Variants in ERC2 observed in about 807,000 individuals in gnomAD.
ERC2 encodes ERC protein 2.
In ERC2, 42 loss-of-function variants were observed where a neutral mutation model predicts 114.8. That is an observed-to-expected ratio of 0.37 (90% CI 0.29 to 0.47). The LOEUF (loss-of-function observed/expected upper bound fraction) is 0.47. Among genes scored for constraint, ERC2 ranks in the 20% least tolerant of loss-of-function variants. The pLI is 0.99. For synonymous variants in ERC2, 454 were observed against 425.5 expected (o/e 1.07, Z -0.82); for missense variants, 939 against 1,150.7 (o/e 0.82, Z 2.66).
At chr3:55,914,591 A>G (rs1374520440) in intron 13 of ERC2, among the ~76,000 whole-genome samples, 1 of 152,148 alleles carries the variant, frequency 6.6e-6, no homozygotes, top group Non-Finnish European at 1.5e-5. Context: ...CTCTCCTTAG[A>G]TGCAAGGTCT....
chr3:56,370,546 ATTTGTTTG>A (rs751109162), intron 2 of ERC2, among the ~76,000 whole-genome samples: 1 of 131,084 alleles, frequency 7.6e-6, no homozygotes, highest in Non-Finnish European at 1.6e-5. Flanking sequence ...TGTGTTCCTG[ATTTGTTTG>A]TTTGTTTGTT....
chr3:55,927,563 T>A (rs1366332783), intron 13 of ERC2, among the ~76,000 whole-genome samples: 2 of 152,200 alleles, frequency 1.3e-5, no homozygotes, highest in Non-Finnish European at 2.9e-5. Flanking sequence ...GAGGTATCTA[T>A]CACCTCAAGC....
rs185515035 is a variant in ERC2 at position 56,218,321 on chromosome 3, T to G, written c.1075-44801A>C. Among the ~76,000 whole-genome samples the G allele has an allele frequency of 5.0e-3, 760 of 152,138 alleles. 31 individuals are homozygous for G. The East Asian group carries it at 0.12, about 23-fold the overall frequency. ...AAAAACAAACAACCCCATCAACAAG[T>G]GGGTGAAGGACATGAACAGACACTT... is the stretch of plus-strand genomic sequence containing the variant. On this transcript the variant is annotated intron_variant, in intron 3 of 17. Transcript: ENST00000288221.
intron 3 of ERC2, among the ~76,000 whole-genome samples, chr3:56,278,118 C>T (rs1459401586): frequency 3.9e-5 from 6 of 152,286 alleles, no homozygotes; most frequent in East Asian, 1.9e-4. Context: ...CCTGCCCCAC[C>T]GTGGGTGACT....
At chr3:56,087,892 T>C (rs561037766) in intron 6 of ERC2, among the ~76,000 whole-genome samples, 1 of 152,200 alleles carries the variant, frequency 6.6e-6, no homozygotes, top group African/African-American at 2.4e-5. Context: ...GTACGCATAA[T>C]GTACACAGTC....
intron 14 of ERC2, among the ~76,000 whole-genome samples, chr3:55,782,589 T>C (rs1458934002): frequency 3.3e-5 from 5 of 152,192 alleles, no homozygotes; most frequent in Non-Finnish European, 7.3e-5. Context: ...CCAAGAAGTA[T>C]TTTAAGTGCT....
At chr3:55,578,381 C>T (rs997865447) in intron 17 of ERC2, among the ~76,000 whole-genome samples, 5 of 152,180 alleles carry the variant, frequency 3.3e-5, no homozygotes, top group African/African-American at 1.2e-4. Flanking sequence ...CTTCACTGTG[C>T]TCCAGGAAAG....
chr3:56,251,237 G>T (rs1015567770), intron 3 of ERC2, among the ~76,000 whole-genome samples: 3 of 152,124 alleles, frequency 2.0e-5, no homozygotes, highest in African/African-American at 7.2e-5. Context: ...CAAATGTCCA[G>T]TTAAATTCTG....
intron 2 of ERC2, among the ~76,000 whole-genome samples, chr3:56,376,762 C>CA (rs5849150): frequency 1.7e-3 from 245 of 143,080 alleles, no homozygotes; most frequent in African/African-American, 5.7e-3. Flanking sequence ...GACTCTGTCT[C>CA]AAAAAAAAAA....
At chr3:56,295,132 G>C (rs926399505) in intron 3 of ERC2, among the ~76,000 whole-genome samples, 1 of 152,182 alleles carries the variant, frequency 6.6e-6, no homozygotes, top group Non-Finnish European at 1.5e-5. Context: ...ATCTAGTTTG[G>C]TCTAGAAGGA....
intron 17 of ERC2, among the ~76,000 whole-genome samples, chr3:55,623,943 T>C (rs1447987298): frequency 6.6e-6 from 1 of 152,228 alleles, no homozygotes; most frequent in Admixed American, 6.5e-5. Flanking sequence ...GCATTTTGCA[T>C]TTCTAACAGT....
chr3:55,992,466 G>A (rs1205283150), intron 10 of ERC2, among the ~76,000 whole-genome samples: 2 of 152,084 alleles, frequency 1.3e-5, no homozygotes, highest in South Asian at 2.1e-4. Context: ...TCACAGGGGA[G>A]TTTCTTCAAT....
At chr3:55,839,780 C>G (rs567203453) in intron 14 of ERC2, among the ~76,000 whole-genome samples, 5 of 151,630 alleles carry the variant, frequency 3.3e-5, no homozygotes, top group South Asian at 2.1e-4. Flanking sequence ...GAGGAATTAA[C>G]GAAAAGATGG....
At chr3:55,908,991 C>A (rs2064637423) in intron 13 of ERC2, among the ~76,000 whole-genome samples, 1 of 152,152 alleles carries the variant, frequency 6.6e-6, no homozygotes, top group Non-Finnish European at 1.5e-5. Context: ...CCATTTTGAG[C>A]CAGACTCTGG....
At chr3:55,911,418 G>GACTT (rs2064806133) in intron 13 of ERC2, among the ~76,000 whole-genome samples, 1 of 151,992 alleles carries the variant, frequency 6.6e-6, no homozygotes, top group Admixed American at 6.6e-5. Context: ...AAAGAGCATT[G>GACTT]ACTTCATCGT....
intron 2 of ERC2, among the ~76,000 whole-genome samples, chr3:56,328,106 T>A (rs1477044704): frequency 6.6e-6 from 1 of 152,070 alleles, no homozygotes; most frequent in East Asian, 1.9e-4. Context: ...GGGGCAGAAA[T>A]AAAGTGCTAT....
chr3:56,364,543 A>G (rs968789542), intron 2 of ERC2, among the ~76,000 whole-genome samples: 4 of 152,214 alleles, frequency 2.6e-5, no homozygotes, highest in African/African-American at 9.6e-5. Context: ...TGTACATACA[A>G]TACTAATGTA....
intron 17 of ERC2, among the ~76,000 whole-genome samples, chr3:55,523,708 T>C (rs2053120554): frequency 1.3e-5 from 2 of 152,226 alleles, no homozygotes; most frequent in Non-Finnish European, 2.9e-5. Context: ...AAGTGTTTCT[T>C]GTGTTCCTGC....
intron 17 of ERC2, among the ~76,000 whole-genome samples, chr3:55,637,240 C>T (rs536595623): frequency 1.3e-5 from 2 of 152,346 alleles, no homozygotes; most frequent in South Asian, 2.1e-4. Flanking sequence ...GAAACTTTCT[C>T]ATCTATGTCT....
Sources: allele counts gnomAD v4.1 joint callset (sites outside exome capture counted in the v4.1 genomes callset), GRCh38; gene constraint gnomAD v4.1.1; transcripts MANE v1.5; gene names NCBI Gene and HGNC (gene_info 2026-07-23, HGNC 2026-07-21).